ZNF578: variants seen among roughly 807,000 people sequenced by gnomAD.
ZNF578 encodes the protein Putative chemokine-related protein B42.
Under a neutral mutation model 8.3 loss-of-function variants are expected in ZNF578, and 8 were observed. The observed-to-expected ratio is 0.96, with a 90% CI of 0.56 to 1.74. ZNF578 has a LOEUF of 1.74. ZNF578 is among the 40% of genes most tolerant of loss of function. The probability of loss-of-function intolerance (pLI) is 0.00; values close to 1 mark genes in which losing one functional copy is unlikely to be tolerated. For synonymous variants in ZNF578, 206 were observed against 232.2 expected, an observed-to-expected ratio of 0.89 and a Z score of 1.03; for missense variants, 726 against 707.5, an observed-to-expected ratio of 1.03 and a Z score of -0.30.
At position 52,512,098 on chromosome 19, in the gene ZNF578, G is replaced by A. The variant is rs1444129067; in HGVS notation, c.1717G>A (p.Gly573Ser). The change falls in exon 6 of 6, where the codon GGT becomes AGT. Residue 573 changes from glycine to serine, a missense_variant. Gly to Ser is a moderately conservative substitution (Grantham distance 56). Coordinates refer to ENST00000421239, the MANE Select transcript of ZNF578 (RefSeq NM_001099694.2). ...GAAACCTTACAAGTGTAATGAGTGT[G>A]GTAAGGCTCACAATCACTTGATTGA... ...GEKPYKCNEC[G>S]KAHNHLIDSS... 8.7e-6 allele frequency: 14 copies of A among 1,613,210 alleles called. No individual in the cohort carries two copies. The highest frequency in any genetic ancestry group is 1.2e-5 in the Non-Finnish European group (14 of 1,179,752).
chr19:52,467,427 A>T (rs575055990), intron 2 of ZNF578, among the ~76,000 whole-genome samples: 1 of 152,080 alleles, frequency 6.6e-6, no homozygotes, highest in East Asian at 1.9e-4. Flanking sequence ...GCAAAGCACT[A>T]TCTCAAAAAA....
chr19:52,457,711 A>G (rs2059243827), intron 2 of ZNF578: 2 of 152,160 alleles, frequency 1.3e-5, no homozygotes, highest in African/African-American at 4.8e-5. Flanking sequence ...ACCCACATAC[A>G]TTTAGTCACA....
intron 3 of ZNF578, among the ~76,000 whole-genome samples, chr19:52,495,278 C>T (rs1249281191): frequency 2.1e-5 from 3 of 143,620 alleles, no homozygotes; most frequent in Non-Finnish European, 4.7e-5. Context: ...GATTCTCCTG[C>T]GATACTACCC....
At position 52,516,052 on chromosome 19, in the gene ZNF578, A is replaced by C. The variant is rs2059474089; in HGVS notation, c.*3898A>C. On this transcript the variant is annotated 3_prime_UTR_variant, in exon 6 of 6. Transcript: ENST00000421239. ...CCTGGCAGCTTGCCCTCATCTCATG[A>C]CTCCCTCTGCCCCAGTCACATTTGC... is the stretch of plus-strand genomic sequence containing the variant. Among the ~76,000 whole-genome samples the C allele has an allele frequency of 6.6e-6, 1 of 151,262 alleles. No individual in the cohort carries two copies. Among genetic ancestry groups the C allele is most frequent in the Non-Finnish European group, 1.5e-5 (1 of 67,884 alleles).
In ZNF578 at chr19:52,513,144, C is replaced by A. The variant is rs149909604; in HGVS notation, c.*990C>A. ...CAAGCGATTCCTCTGCCTCAGCCTC[C>A]CTAGTTGCTGGGATTACAGGTATAT... On this transcript the variant is annotated 3_prime_UTR_variant, in exon 6 of 6. Coordinates refer to ENST00000421239, the MANE Select transcript of ZNF578 (RefSeq NM_001099694.2). Among the ~76,000 whole-genome samples the A allele has an allele frequency of 6.6e-6, 1 of 152,080 alleles. No individual in the cohort carries two copies. The highest frequency in any genetic ancestry group is 6.6e-5 in the Admixed American group (1 of 15,256).
Position 52,467,431 on chromosome 19 carries a change from C to CA in ZNF578, c.-122+10481dup, listed in dbSNP as rs201709141. ...GGGCAACAAGAGCAAAGCACTATCT[C>CA]AAAAAAAATAAAATAAAATAAAATA... On this transcript the variant is annotated intron_variant, in intron 2 of 5. Transcript: ENST00000421239. Among the ~76,000 whole-genome samples the CA allele has an allele frequency of 3.4e-3, 520 of 151,054 alleles. 9 individuals are homozygous for CA. In the East Asian group the frequency reaches 0.052, roughly 15 times the overall value.
rs76983203 is a variant in ZNF578, at chr19:52,460,894, A to G, written c.-122+3936A>G. Among the ~76,000 whole-genome samples the G allele has an allele frequency of 3.5e-3, 531 of 151,916 alleles. 10 individuals are homozygous for G. In the East Asian group the frequency reaches 0.055, roughly 16 times the overall value. ...TTGGGGACCAGCCTCAACACCACCC[A>G]TTTTTTCTTTTTTAAAACCACCGTT... is the stretch of plus-strand genomic sequence containing the variant. On this transcript the variant is annotated intron_variant, in intron 2 of 5. Coordinates refer to ENST00000421239, the MANE Select transcript of ZNF578 (RefSeq NM_001099694.2).
intron 2 of ZNF578, among the ~76,000 whole-genome samples, chr19:52,467,528 A>G (rs529177605): frequency 6.6e-6 from 1 of 152,260 alleles, no homozygotes; most frequent in Admixed American, 6.5e-5. Flanking sequence ...AGGTGGGAAG[A>G]TCACTTGAGG....
intron 3 of ZNF578, among the ~76,000 whole-genome samples, chr19:52,493,457 G>A (rs1199601081): frequency 2.6e-5 from 4 of 152,142 alleles, no homozygotes; most frequent in Non-Finnish European, 5.9e-5. Context: ...CGGAAAATGC[G>A]CTTCTCCGCG....
chr19:52,511,760 G>C lies in ZNF578; in HGVS notation c.1379G>C (p.Cys460Ser), dbSNP rs1317630073. Reference sequence around the variant, plus strand: ...GAGAAATCTTACAAATGTGAAGAATGTGACAGAGTTTTCAGTCAGAAATCA... The same window carrying C: ...GAGAAATCTTACAAATGTGAAGAATCTGACAGAGTTTTCAGTCAGAAATCA... ...TGEKSYKCEE[C>S]DRVFSQKSNL... The change falls in exon 6 of 6, where the codon TGT becomes TCT. Residue 460 changes from cysteine (C) to serine (S), a missense_variant. By Grantham distance (112) the Cys-to-Ser change is moderately radical. Coordinates refer to ENST00000421239, the MANE Select transcript of ZNF578 (RefSeq NM_001099694.2). 6.2e-7 allele frequency: 1 copy of C among 1,613,464 alleles called. No homozygotes were observed. Among genetic ancestry groups the C allele is most frequent in the South Asian group, 1.1e-5 (1 of 91,068 alleles).
chr19:52,465,540 C>T (rs1347516248), intron 2 of ZNF578, among the ~76,000 whole-genome samples: 1 of 152,214 alleles, frequency 6.6e-6, no homozygotes, highest in Admixed American at 6.5e-5. Flanking sequence ...CCAAACTGAC[C>T]AAACAGGAAA....
intron 4 of ZNF578, among the ~76,000 whole-genome samples, 176 bp downstream of exon 4, chr19:52,502,084 CAAA>C (rs2059409992): frequency 6.6e-6 from 1 of 152,152 alleles, no homozygotes; most frequent in Non-Finnish European, 1.5e-5. Flanking sequence ...CTCATTTGCT[CAAA>C]AGAATTCCAT....
rs766440599 is a variant in ZNF578, at chr19:52,515,212, C to A, written c.*3058C>A. Among the ~76,000 whole-genome samples, 3 of 152,084 alleles carry A rather than the reference C, an allele frequency of 2.0e-5. No homozygotes were observed. In the East Asian group the frequency reaches 5.8e-4, roughly 29 times the overall value. ...CTCCTGACTTCAGGTGATCTGCCCA[C>A]CTCGACCTCCCAAAATGCTAGGATT... On this transcript the variant is annotated 3_prime_UTR_variant, in exon 6 of 6. Transcript: ENST00000421239.
intron 2 of ZNF578, among the ~76,000 whole-genome samples, chr19:52,487,957 C>G (rs939093285): frequency 6.6e-6 from 1 of 150,412 alleles, no homozygotes; most frequent in Non-Finnish European, 1.5e-5. Context: ...ATAGCCCCCC[C>G]CCCTTTTTTT....
chr19:52,508,210 T>C (rs959845536), intron 5 of ZNF578, among the ~76,000 whole-genome samples: 1 of 151,870 alleles, frequency 6.6e-6, no homozygotes, highest in South Asian at 2.1e-4. Flanking sequence ...CTGTGCGTGG[T>C]GGTGCATGCC....
intron 2 of ZNF578, chr19:52,475,074 TATGA>T: frequency 5.4e-6 from 1 of 184,632 alleles, no homozygotes; most frequent in Non-Finnish European, 1.2e-5. Flanking sequence ...TTCTCTCCTA[TATGA>T]ATTCTGTGAT....
At chr19:52,462,661 A>T (rs1304294223) in intron 2 of ZNF578, among the ~76,000 whole-genome samples, 1 of 152,198 alleles carries the variant, frequency 6.6e-6, no homozygotes, top group East Asian at 1.9e-4. Flanking sequence ...ATGTGTCCCA[A>T]GTCAGTGGGC....
chr19:52,515,039 T>G lies in ZNF578; in HGVS notation c.*2885T>G, dbSNP rs636090. ...GTGCAATGGTGCGATCTGGTGTCAC[T>G]CCAATGTCTTCCTCCTGGGTTCAAG... On this transcript the variant is annotated 3_prime_UTR_variant, in exon 6 of 6. Coordinates refer to ENST00000421239, the MANE Select transcript of ZNF578 (RefSeq NM_001099694.2). Among the ~76,000 whole-genome samples the G allele has an allele frequency of 0.019, 2,774 of 149,670 alleles. 93 individuals are homozygous for G. The highest frequency in any genetic ancestry group is 0.065 in the African/African-American group (2,642 of 40,690).
rs1030895865 is a variant in ZNF578, at chr19:52,516,472, G to T, written c.*4318G>T. Among the ~76,000 whole-genome samples the T allele has an allele frequency of 1.3e-5, 2 of 152,174 alleles. No individual in the cohort carries two copies. Among genetic ancestry groups the T allele is most frequent in the East Asian group, 3.9e-4 (2 of 5,194 alleles). ...CGCAGGGGGGACTGTATTTGCTCAG[G>T]GTGAGGTCTCCTTTGTGTCAGGCCT... On this transcript the variant is annotated 3_prime_UTR_variant, in exon 6 of 6. Coordinates refer to ENST00000421239, the MANE Select transcript of ZNF578 (RefSeq NM_001099694.2).
Sources: gnomAD v4.1 joint callset for allele counts (sites outside exome capture counted in the v4.1 genomes callset) on GRCh38, gnomAD v4.1.1 for gene constraint, MANE v1.5 for transcripts, NCBI Gene and HGNC (gene_info 2026-07-23, HGNC 2026-07-21) for gene names.